WDR25: variants seen among roughly 807,000 people sequenced by gnomAD.
WDR25 encodes the protein WD repeat-containing protein 25.
In WDR25, 35 loss-of-function variants were observed where a neutral mutation model predicts 47.7. The ratio of observed to expected loss-of-function variants is 0.73; its 90% CI spans 0.56 to 0.97. WDR25 has a LOEUF of 0.97. WDR25 is among the 50% of genes least tolerant of loss of function. WDR25 has a pLI of 0.00. For synonymous variants in WDR25, 248 were observed against 278.9 expected, an observed-to-expected ratio of 0.89 and a Z score of 1.10; for missense variants, 634 against 704.7, an observed-to-expected ratio of 0.90 and a Z score of 1.14.
intron 2 of WDR25, chr14:100,454,365 G>A: frequency 7.8e-7 from 1 of 1,286,866 alleles, no homozygotes; most frequent in Non-Finnish European, 1.0e-6. Context: ...TGTATGGCAG[G>A]TGTGAGGGTG....
intron 2 of WDR25, among the ~76,000 whole-genome samples, chr14:100,417,587 G>A (rs1897904672): frequency 6.6e-6 from 1 of 152,198 alleles, no homozygotes; most frequent in Non-Finnish European, 1.5e-5. Context: ...CTCCAGGGAG[G>A]GAGAGAGCTG....
At chr14:100,380,781 A>G in intron 1 of WDR25, 129 bp from the exon 2 acceptor site, 2 of 883,830 alleles carry the variant, frequency 2.3e-6, no homozygotes, top group Non-Finnish European at 3.4e-6. Context: ...GGCGTGAGCC[A>G]CCACGCCTGG....
chr14:100,454,523 C>T (rs1319310541), intron 2 of WDR25: 7 of 1,100,754 alleles, frequency 6.4e-6, no homozygotes, highest in Admixed American at 2.3e-5. Flanking sequence ...TGTACAACAG[C>T]AACAACAACA....
rs1261188165 is a variant in WDR25, at chr14:100,381,302, C to T, written c.378C>T (p.His126=). Residue 126 remains histidine (H), a synonymous_variant, in exon 2 of 7, where the codon CAC becomes CAT. Transcript: ENST00000402312. The stretch of plus-strand genomic sequence containing the variant: ...GGACGAGCCATGTTCCAGCCAGCCA[C>T]ATGCCCCTGGCAGCTGCCCGCTTTA... ...SLWTSHVPAS[H]MPLAAARFKQ... 2 of 1,614,252 alleles carry T rather than the reference C, an allele frequency of 1.2e-6. No homozygotes were observed. Among genetic ancestry groups the T allele is most frequent in the Non-Finnish European group, 1.7e-6 (2 of 1,180,046 alleles).
chr14:100,403,584 T>G (rs149956847), intron 2 of WDR25, among the ~76,000 whole-genome samples: 207 of 152,294 alleles, frequency 1.4e-3, no homozygotes, highest in African/African-American at 4.9e-3. Context: ...CAGCCCTGAG[T>G]AGTGCCCAGA....
At chr14:100,471,249 G>A (rs543947537) in intron 3 of WDR25, among the ~76,000 whole-genome samples, 16 of 152,292 alleles carry the variant, frequency 1.1e-4, no homozygotes, top group African/African-American at 3.6e-4. Context: ...TCTGGCCAGG[G>A]CTGGCTTGGA....
rs1898625672 is a variant in WDR25, at chr14:100,440,180, C to A, written c.823-27841C>A. Among the ~76,000 whole-genome samples the A allele has an allele frequency of 6.6e-6, 1 of 152,212 alleles. No homozygotes were observed. Among genetic ancestry groups the A allele is most frequent in the Non-Finnish European group, 1.5e-5 (1 of 68,038 alleles). The stretch of plus-strand genomic sequence containing the variant: ...TCCTGGGGTGGAAAGCAGCGTTTTC[C>A]TTTTTCAATTTCAACCTGACTCCAT... On this transcript the variant is annotated intron_variant, in intron 2 of 6. Coordinates refer to ENST00000402312, the MANE Select transcript of WDR25 (RefSeq NM_001161476.3). This position sits in a 1 kb window ranked among gnomAD's most constrained non-coding sequence, Gnocchi z 4.4.
chr14:100,442,395 G>A (rs749006923), intron 2 of WDR25, among the ~76,000 whole-genome samples: 16 of 152,170 alleles, frequency 1.1e-4, no homozygotes, highest in Non-Finnish European at 2.2e-4. Context: ...GGGAAAGAAG[G>A]AAAGAAAAAG....
intron 4 of WDR25, among the ~76,000 whole-genome samples, chr14:100,515,534 T>G (rs866240690): frequency 6.6e-6 from 1 of 152,226 alleles, no homozygotes; most frequent in Non-Finnish European, 1.5e-5. Flanking sequence ...AAAAGATATC[T>G]TTCATGTGTA....
intron 3 of WDR25, among the ~76,000 whole-genome samples, chr14:100,477,131 C>T (rs1900044346): frequency 6.6e-6 from 1 of 152,170 alleles, no homozygotes; most frequent in Non-Finnish European, 1.5e-5. Context: ...GATATCTCCA[C>T]CTGAGAAAGG....
chr14:100,486,954 A>G (rs186155256), intron 4 of WDR25, among the ~76,000 whole-genome samples: 9 of 152,318 alleles, frequency 5.9e-5, no homozygotes, highest in South Asian at 2.1e-4. Context: ...AAAGGTAAAC[A>G]TTAGCAACAT....
At chr14:100,442,422 T>C (rs145808668) in intron 2 of WDR25, among the ~76,000 whole-genome samples, 180 of 152,244 alleles carry the variant, frequency 1.2e-3, no homozygotes, top group African/African-American at 4.2e-3. Flanking sequence ...CATCTAGCAT[T>C]GTGGATAAGC....
chr14:100,467,107 AG>A (rs953133560), intron 2 of WDR25, among the ~76,000 whole-genome samples: 6 of 152,198 alleles, frequency 3.9e-5, no homozygotes, highest in African/African-American at 1.4e-4. Flanking sequence ...CATGGGAAGG[AG>A]GGAAAGCACC....
intron 2 of WDR25, among the ~76,000 whole-genome samples, chr14:100,385,511 G>A (rs115149718): frequency 1.9e-3 from 286 of 152,200 alleles, no homozygotes; most frequent in African/African-American, 6.5e-3. Context: ...ACGTAGCTTC[G>A]GAATTCATAC....
intron 2 of WDR25, among the ~76,000 whole-genome samples, chr14:100,422,615 G>A (rs1399559489): frequency 1.3e-5 from 2 of 152,206 alleles, no homozygotes; most frequent in African/African-American, 4.8e-5. Flanking sequence ...CCTTCATGAT[G>A]GCCCTCTTTG....
chr14:100,460,878 G>A (rs185917833), intron 2 of WDR25, among the ~76,000 whole-genome samples: 1 of 152,300 alleles, frequency 6.6e-6, no homozygotes, highest in East Asian at 1.9e-4. Flanking sequence ...GATTGGAAAG[G>A]AGGAAGTAAA....
intron 4 of WDR25, among the ~76,000 whole-genome samples, chr14:100,495,133 G>T (rs1270931160): frequency 2.6e-5 from 4 of 152,174 alleles, no homozygotes; most frequent in Non-Finnish European, 5.9e-5. Context: ...GAGGAGGGCG[G>T]ATCACAAGGT....
At chr14:100,427,175 G>A (rs1445803591) in intron 2 of WDR25, among the ~76,000 whole-genome samples, 1 of 152,000 alleles carries the variant, frequency 6.6e-6, no homozygotes, top group Non-Finnish European at 1.5e-5. Context: ...GCCTTCACCT[G>A]TGCCTGTCCT....
At position 100,440,805 on chromosome 14, in the gene WDR25, G is replaced by A. The variant is rs138144495; in HGVS notation, c.823-27216G>A. Among the ~76,000 whole-genome samples, 719 of 152,270 alleles carry A rather than the reference G, an allele frequency of 4.7e-3. 5 individuals are homozygous for A. Among genetic ancestry groups the A allele is most frequent in the African/African-American group, 0.017 (686 of 41,548 alleles). On this transcript the variant is annotated intron_variant, in intron 2 of 6. Transcript: ENST00000402312. The surrounding 1 kb of genome is among the most constrained non-coding windows in gnomAD (Gnocchi z 4.4). ...GGGAGGTAACCACCTCGATAAATTC[G>A]TCAGCGAGGCAGCTGGAGGGATGTG...
Sources: gnomAD v4.1 joint callset for allele counts (sites outside exome capture counted in the v4.1 genomes callset) on GRCh38, gnomAD v4.1.1 for gene constraint, Gnocchi (gnomAD v3.1) non-coding constraint, MANE v1.5 for transcripts, NCBI Gene and HGNC (gene_info 2026-07-23, HGNC 2026-07-21) for gene names.